Variants in ADORA2B observed in about 807,000 individuals in gnomAD.
The protein encoded by ADORA2B is adenosine A2b receptor, also known as adenosine receptor A2b.
ADORA2B carries 18 observed loss-of-function variants against 20.8 expected under a neutral mutation model. That is an observed-to-expected ratio of 0.87 (90% CI 0.60 to 1.29). The LOEUF is 1.29. Ranked by LOEUF, ADORA2B falls within the 50% of genes most tolerant of loss-of-function variation. The pLI is 0.00. For missense variants in ADORA2B, 441 were observed against 422.7 expected, an observed-to-expected ratio of 1.04 and a Z score of -0.38; for synonymous variants, 179 against 178.3, an observed-to-expected ratio of 1.00 and a Z score of -0.03.
chr17:15,859,652 G>A, the ADORA2B span, among the ~76,000 whole-genome samples: 1 of 151,936 alleles, frequency 6.6e-6, no homozygotes. Context: ...GGTCCTTTAC[G>A]AAATATCATC....
intron 1 of ADORA2B, among the ~76,000 whole-genome samples, chr17:15,973,048 A>T (rs1167056968): frequency 6.6e-6 from 1 of 152,210 alleles, no homozygotes; most frequent in Admixed American, 6.5e-5. Context: ...AATTTTTATC[A>T]ACTCTGCTGC....
the ADORA2B span, among the ~76,000 whole-genome samples, chr17:15,871,826 T>G: frequency 2.6e-5 from 4 of 152,212 alleles, no homozygotes; most frequent in African/African-American, 9.6e-5. Context: ...TCCCTTTGCG[T>G]ATATGGCTTT....
chr17:15,893,593 G>C, the ADORA2B span, among the ~76,000 whole-genome samples: 1 of 149,676 alleles, frequency 6.7e-6, no homozygotes, highest in African/African-American at 2.5e-5. Context: ...TCTCACCTTC[G>C]TGTTTCAAGA....
chr17:15,910,788 G>A, the ADORA2B span, among the ~76,000 whole-genome samples: 6 of 152,244 alleles, frequency 3.9e-5, no homozygotes, highest in East Asian at 1.9e-4. Context: ...GCAGGAGCTC[G>A]GTCCCCTCCT....
At chr17:15,903,226 C>T in the ADORA2B span, among the ~76,000 whole-genome samples, 1 of 152,180 alleles carries the variant, frequency 6.6e-6, no homozygotes, top group African/African-American at 2.4e-5. Flanking sequence ...AGAAACATGG[C>T]ATCAAGCCCT....
chr17:15,856,692 G>A, the ADORA2B span, among the ~76,000 whole-genome samples: 19 of 152,228 alleles, frequency 1.2e-4, no homozygotes, highest in Non-Finnish European at 1.9e-4. Context: ...GGGATCTGGA[G>A]CAAAGGTCAC....
the ADORA2B span, among the ~76,000 whole-genome samples, chr17:15,919,137 A>G: frequency 6.6e-6 from 1 of 152,080 alleles, no homozygotes; most frequent in African/African-American, 2.4e-5. Context: ...CCTCGTTGCC[A>G]CCTCTTGGGG....
Position 15,961,226 on chromosome 17 carries a change from T to C in ADORA2B, c.336-13453T>C, listed in dbSNP as rs1970035797. ...CTTTTGCATCACCCTAATACAATAG[T>C]GAGTGTACCACTGCACTTCAGCCTG... On this transcript the variant is annotated intron_variant, in intron 1 of 1. Transcript: ENST00000304222. Among the ~76,000 whole-genome samples, 3 of 151,082 alleles carry C rather than the reference T, an allele frequency of 2.0e-5. 1 individual carries two copies. The highest frequency in any genetic ancestry group is 2.0e-4 in the Admixed American group (3 of 15,156).
At chr17:15,908,512 G>A in the ADORA2B span, 1 of 162,204 alleles carries the variant, frequency 6.2e-6, no homozygotes. Context: ...CCTGCCTTGT[G>A]CTCTGTCCCC....
intron 1 of ADORA2B, among the ~76,000 whole-genome samples, chr17:15,959,827 C>CA (rs1970013647): frequency 6.6e-6 from 1 of 152,150 alleles, no homozygotes; most frequent in Non-Finnish European, 1.5e-5. Context: ...ATAGGTGCCA[C>CA]AGTCTATAGT....
chr17:15,970,263 G>A (rs7503815), intron 1 of ADORA2B, among the ~76,000 whole-genome samples: 1 of 152,226 alleles, frequency 6.6e-6, no homozygotes, highest in Non-Finnish European at 1.5e-5. Flanking sequence ...GGGAAGAGTG[G>A]TGGTGATGGA....
the ADORA2B span, among the ~76,000 whole-genome samples, chr17:15,879,486 A>G: frequency 1.3e-5 from 2 of 151,910 alleles, no homozygotes; most frequent in Admixed American, 6.6e-5. Context: ...TATTTATTTT[A>G]CTGCCTTCTC....
At chr17:15,858,498 CA>C in the ADORA2B span, among the ~76,000 whole-genome samples, 1 of 152,164 alleles carries the variant, frequency 6.6e-6, no homozygotes, top group Non-Finnish European at 1.5e-5. Context: ...AACTGGGGTG[CA>C]GGAGTGAAAG....
At chr17:15,910,508 A>G in the ADORA2B span, among the ~76,000 whole-genome samples, 1 of 152,132 alleles carries the variant, frequency 6.6e-6, no homozygotes, top group Admixed American at 6.5e-5. Flanking sequence ...CATGTTAGCC[A>G]GGCTCGTCTC....
intron 1 of ADORA2B, 73 bp downstream of exon 1, chr17:15,945,656 G>C: frequency 7.3e-7 from 1 of 1,378,112 alleles, no homozygotes; most frequent in Non-Finnish European, 9.5e-7. Flanking sequence ...TCCAGGCCGG[G>C]GTTCCTCCCT....
At chr17:15,970,319 G>T (rs6502477) in intron 1 of ADORA2B, among the ~76,000 whole-genome samples, 16,518 of 152,042 alleles carry the variant, frequency 0.11, 1,623 homozygotes, top group African/African-American at 0.26. Flanking sequence ...GATTTAATTA[G>T]CTGCTTTTCC....
intron 1 of ADORA2B, among the ~76,000 whole-genome samples, chr17:15,956,721 A>C (rs775338859): frequency 3.1e-4 from 46 of 149,376 alleles, no homozygotes; most frequent in Non-Finnish European, 1.5e-4. Flanking sequence ...TCAGCCTCCC[A>C]AGTAGCTGAG....
At chr17:15,855,371 C>T in the ADORA2B span, among the ~76,000 whole-genome samples, 2 of 151,850 alleles carry the variant, frequency 1.3e-5, no homozygotes, top group South Asian at 2.1e-4. Context: ...CTATGTGGCC[C>T]CAGAGCCCTG....
intron 1 of ADORA2B, among the ~76,000 whole-genome samples, chr17:15,964,474 T>G (rs934100644): frequency 4.0e-5 from 6 of 151,200 alleles, no homozygotes; most frequent in African/African-American, 1.5e-4. Flanking sequence ...CCAGGTGTGG[T>G]GGCAGGCGCC....
Sources: allele counts gnomAD v4.1 joint callset (sites outside exome capture counted in the v4.1 genomes callset), GRCh38; gene constraint gnomAD v4.1.1; transcripts MANE v1.5; gene names NCBI Gene and HGNC (gene_info 2026-07-23, HGNC 2026-07-21).